USH2A: variants seen among roughly 807,000 people sequenced by gnomAD.
The protein encoded by USH2A is Usher syndrome 2A (autosomal recessive, mild).
Under a neutral mutation model 538.9 loss-of-function variants are expected in USH2A, and 443 were observed. The ratio of observed to expected loss-of-function variants is 0.82; its 90% CI spans 0.76 to 0.89. USH2A has a LOEUF of 0.89. Among genes scored for constraint, USH2A ranks in the 40% least tolerant of loss-of-function variants. USH2A has a pLI of 0.00. For synonymous variants in USH2A, 2,413 were observed against 2,273.5 expected (o/e 1.06, Z -1.75); for missense variants, 6,633 against 6,324.8 (o/e 1.05, Z -1.65).
At chr1:215,913,130 C>T (rs1277703333) in intron 38 of USH2A, among the ~76,000 whole-genome samples, 3 of 151,960 alleles carry the variant, frequency 2.0e-5, no homozygotes, top group Non-Finnish European at 4.4e-5. Context: ...TTTTATATTC[C>T]CTGAAAAACT....
intron 60 of USH2A, among the ~76,000 whole-genome samples, chr1:215,735,541 TCTTTA>T (rs1660131981): frequency 6.6e-6 from 1 of 152,168 alleles, no homozygotes; most frequent in Non-Finnish European, 1.5e-5. Context: ...TATTATTTTG[TCTTTA>T]CTAGACCATA....
intron 61 of USH2A, among the ~76,000 whole-genome samples, chr1:215,696,896 C>A (rs932063857): frequency 4.6e-5 from 7 of 152,168 alleles, no homozygotes; most frequent in African/African-American, 1.4e-4. Context: ...GGTAGCAGAT[C>A]TCAGTGAGAG....
At chr1:216,026,456 T>C (rs1668966849) in intron 32 of USH2A, among the ~76,000 whole-genome samples, 1 of 152,108 alleles carries the variant, frequency 6.6e-6, no homozygotes, top group South Asian at 2.1e-4. Flanking sequence ...AAATAAACAT[T>C]TTATCCAATG....
In USH2A at chr1:215,739,075, T is replaced by A. The variant is rs55766045; in HGVS notation, c.11711+2300A>T. Among the ~76,000 whole-genome samples, 433 of 152,296 alleles carry A rather than the reference T, an allele frequency of 2.8e-3. 2 individuals are homozygous for A. The highest frequency in any genetic ancestry group is 7.7e-3 in the African/African-American group (322 of 41,554). ...TGCCTATGTAGGTGAATATAACGAT[T>A]GTATCTGGAGCCCCAGTGCGCCATT... On this transcript the variant is annotated intron_variant, in intron 60 of 71. Coordinates refer to ENST00000307340, the MANE Select transcript of USH2A (RefSeq NM_206933.4).
intron 3 of USH2A, among the ~76,000 whole-genome samples, chr1:216,380,796 T>C (rs1283417215): frequency 6.6e-6 from 1 of 152,154 alleles, no homozygotes; most frequent in Non-Finnish European, 1.5e-5. Context: ...TGTCCACCCA[T>C]CATTTAGAAA....
intron 32 of USH2A, among the ~76,000 whole-genome samples, chr1:216,045,468 T>A (rs1383335882): frequency 6.6e-6 from 1 of 152,180 alleles, no homozygotes; most frequent in East Asian, 1.9e-4. Flanking sequence ...TGAGTCACAC[T>A]TCTGAGTCTT....
At chr1:216,211,930 A>G (rs1287010357) in intron 15 of USH2A, among the ~76,000 whole-genome samples, 1 of 151,938 alleles carries the variant, frequency 6.6e-6, no homozygotes, top group Non-Finnish European at 1.5e-5. Flanking sequence ...AGCACTCTCA[A>G]AGAACCTTGC....
At chr1:215,877,566 C>G (rs1664802502) in intron 43 of USH2A, among the ~76,000 whole-genome samples, 192 bp downstream of exon 43, 1 of 152,082 alleles carries the variant, frequency 6.6e-6, no homozygotes, top group South Asian at 2.1e-4. Context: ...TTTAAGCATG[C>G]AGTTAAGATG....
At chr1:216,174,899 A>G (rs969988217) in intron 21 of USH2A, 6 of 1,120,872 alleles carry the variant, frequency 5.4e-6, no homozygotes, top group Non-Finnish European at 6.6e-6. Context: ...CTCCAATAGC[A>G]TGAGGGCATT....
intron 27 of USH2A, among the ~76,000 whole-genome samples, chr1:216,076,878 C>T (rs747811944): frequency 6.6e-6 from 1 of 152,078 alleles, no homozygotes; most frequent in Non-Finnish European, 1.5e-5. Context: ...CTTTTTCACA[C>T]GTGGGAGGGT....
chr1:215,838,180 C>T (rs1007527867), intron 46 of USH2A, 77 bp from the exon 47 acceptor site: 1 of 1,144,806 alleles, frequency 8.7e-7, no homozygotes, highest in Non-Finnish European at 1.3e-6. Context: ...ATCCCACCTT[C>T]CCTCATTTCA....
intron 32 of USH2A, among the ~76,000 whole-genome samples, chr1:216,044,013 A>T (rs2030409511): frequency 8.8e-6 from 1 of 113,340 alleles, no homozygotes; most frequent in Non-Finnish European, 2.0e-5. Flanking sequence ...ATCTGACTTC[A>T]TTCTTTCACT....
chr1:216,037,424 T>C (rs1459790504), intron 32 of USH2A, among the ~76,000 whole-genome samples: 1 of 152,188 alleles, frequency 6.6e-6, no homozygotes, highest in Non-Finnish European at 1.5e-5. Context: ...ACTTTTGCCA[T>C]GACCTTTGCT....
At chr1:216,284,611 C>T (rs991318306) in intron 11 of USH2A, among the ~76,000 whole-genome samples, 1 of 152,126 alleles carries the variant, frequency 6.6e-6, no homozygotes, top group Non-Finnish European at 1.5e-5. Flanking sequence ...GCTGTAAAGA[C>T]ACCCAAAAAA....
chr1:215,700,219 T>C (rs1296026175), intron 61 of USH2A, among the ~76,000 whole-genome samples: 2 of 152,232 alleles, frequency 1.3e-5, no homozygotes, highest in Admixed American at 6.5e-5. Flanking sequence ...CAGTATTTTA[T>C]TGAGAATATC....
chr1:216,081,750 CT>C (rs1465870269), intron 26 of USH2A, among the ~76,000 whole-genome samples: 2 of 151,686 alleles, frequency 1.3e-5, no homozygotes, highest in Non-Finnish European at 2.9e-5. Context: ...GTCTGGCTAA[CT>C]TTTTATTTTT....
intron 3 of USH2A, among the ~76,000 whole-genome samples, chr1:216,405,891 C>T (rs761706396): frequency 2.0e-5 from 3 of 152,106 alleles, no homozygotes; most frequent in South Asian, 2.1e-4. Context: ...TGAATCCCCA[C>T]GGAATTATGT....
intron 38 of USH2A, among the ~76,000 whole-genome samples, chr1:215,928,118 T>C (rs1471811817): frequency 6.6e-6 from 1 of 152,114 alleles, no homozygotes; most frequent in Non-Finnish European, 1.5e-5. Flanking sequence ...ACACAGTTTC[T>C]ACTCTCACAG....
chr1:216,260,755 T>C (rs572194463), intron 11 of USH2A, among the ~76,000 whole-genome samples: 7 of 152,248 alleles, frequency 4.6e-5, no homozygotes, highest in East Asian at 1.9e-4. Flanking sequence ...CTCCATTATA[T>C]TGGAACATCA....
Sources: gnomAD v4.1 joint callset for allele counts (sites outside exome capture counted in the v4.1 genomes callset) on GRCh38, gnomAD v4.1.1 for gene constraint, MANE v1.5 for transcripts, NCBI Gene and HGNC (gene_info 2026-07-23, HGNC 2026-07-21) for gene names.